The following DNAH1 variants were observed in gnomAD, a reference collection of about 807,000 sequenced individuals.
The protein encoded by DNAH1 is axonemal beta dynein heavy chain 1.
In DNAH1, 327 loss-of-function variants were observed where a neutral mutation model predicts 484.3. The observed-to-expected ratio is 0.68, with a 90% CI of 0.62 to 0.74. The LOEUF is 0.74. DNAH1 is among the 30% of genes least tolerant of loss of function. The pLI, the probability that DNAH1 is intolerant of heterozygous loss-of-function variation, is 0.00. For synonymous variants in DNAH1, 2,192 were observed against 2,191.9 expected (o/e 1.00, Z 0.00); for missense variants, 5,052 against 5,546.8 (o/e 0.91, Z 2.83).
chr3:52,387,010 C>T (rs958553584), intron 56 of DNAH1, among the ~76,000 whole-genome samples, 157 bp downstream of exon 56: 18 of 152,226 alleles, frequency 1.2e-4, no homozygotes, highest in Admixed American at 5.2e-4. Flanking sequence ...ACCAGCACCA[C>T]ACAAGGGCCC....
At position 52,383,546 on chromosome 3, in the gene DNAH1, C is replaced by T. The variant is rs776070147; in HGVS notation, c.8102C>T (p.Ala2701Val). The change falls in exon 51 of 78, where the codon GCT becomes GTT. Residue 2701 changes from alanine to valine, a missense_variant. By Grantham distance (64) the Ala-to-Val change is moderately conservative. Coordinates refer to ENST00000420323, the MANE Select transcript of DNAH1 (RefSeq NM_015512.5). ...CCCACCAAGGCCAACCTCATGGCTG[C>T]TTACACAGGGCGTGTGCGCAGCAAC... ...LQPTKANLMA[A>V]YTGRVRSNIH... 4.3e-6 allele frequency: 7 copies of T among 1,611,790 alleles called. No homozygotes were observed. Among genetic ancestry groups the T allele is most frequent in the Admixed American group, 1.7e-5 (1 of 59,688 alleles).
intron 8 of DNAH1, among the ~76,000 whole-genome samples, 192 bp from the exon 9 acceptor site, chr3:52,344,298 A>G (rs1366137853): frequency 6.6e-6 from 1 of 152,150 alleles, no homozygotes; most frequent in Non-Finnish European, 1.5e-5. Context: ...AAATGGGGAC[A>G]AGGGGGAAAG....
chr3:52,360,573 C>G, intron 28 of DNAH1, 149 bp downstream of exon 28: 1 of 639,338 alleles, frequency 1.6e-6, no homozygotes, highest in South Asian at 2.5e-5. Context: ...GCTCAGACCT[C>G]AGTTCTGCCC....
chr3:52,397,694 T>G lies in DNAH1; in HGVS notation c.11788-13T>G. 1 of 1,581,230 alleles carries G rather than the reference T, an allele frequency of 6.3e-7. No individual in the cohort carries two copies. Among genetic ancestry groups the G allele is most frequent in the Non-Finnish European group, 8.6e-7 (1 of 1,164,110 alleles). On this transcript the variant is annotated splice_polypyrimidine_tract_variant and intron_variant, in intron 73 of 77. Transcript: ENST00000420323. ...CAAGCCAGGGGCTTCCATGTTGGCC[T>G]CCTCTCTCCTAGGGCTACCTCTCCT...
chr3:52,370,644 C>T lies in DNAH1; in HGVS notation c.6417+9C>T, dbSNP rs1239356559. The T allele has an allele frequency of 9.3e-6, 15 of 1,606,794 alleles. No individual in the cohort carries two copies. Among genetic ancestry groups the T allele is most frequent in the Middle Eastern group, 1.6e-4 (1 of 6,070 alleles). On this transcript the variant is annotated intron_variant, in intron 40 of 77. Coordinates refer to ENST00000420323, the MANE Select transcript of DNAH1 (RefSeq NM_015512.5). ...AGATGGAGAACGAACAGGTGAGAGC[C>T]GGCGGCCCCCAGGGACCAGGAGCCT...
chr3:52,344,311 G>T (rs1702058738), intron 8 of DNAH1, among the ~76,000 whole-genome samples, 179 bp from the exon 9 acceptor site: 1 of 152,182 alleles, frequency 6.6e-6, no homozygotes, highest in South Asian at 2.1e-4. Flanking sequence ...GGGGAAAGAA[G>T]CAGAGGAGGT....
Position 52,382,386 on chromosome 3 carries a change from T to C in DNAH1, c.7872T>C (p.Asp2624=), listed in dbSNP as rs772706917. 11 of 1,613,844 alleles carry C rather than the reference T, an allele frequency of 6.8e-6. No homozygotes were observed. The highest frequency in any genetic ancestry group is 8.5e-6 in the Non-Finnish European group (10 of 1,179,886). The change falls in exon 50 of 78, where the codon GAT becomes GAC. Residue 2624 remains aspartate, a synonymous_variant. Coordinates refer to ENST00000420323, the MANE Select transcript of DNAH1 (RefSeq NM_015512.5). ...KNYGMSEWRD[D]VKKVLLKAGL... Reference sequence around the variant, plus strand: ...ACGGCATGTCCGAGTGGCGAGATGATGTGAAGAAGGTCCTGCTCAAGGCGG... The same window carrying C: ...ACGGCATGTCCGAGTGGCGAGATGACGTGAAGAAGGTCCTGCTCAAGGCGG...
intron 6 of DNAH1, 75 bp downstream of exon 6, chr3:52,328,089 C>T (rs1187658629): frequency 6.4e-7 from 1 of 1,568,620 alleles, no homozygotes; most frequent in African/African-American, 1.4e-5. Context: ...CTGGGCTCCC[C>T]TGGGACCTGG....
rs1401424329 is a variant in DNAH1 at position 52,364,768 on chromosome 3, G to A, written c.5331+44G>A. 1 of 1,606,282 alleles carries A rather than the reference G, an allele frequency of 6.2e-7. No homozygotes were observed. The highest frequency in any genetic ancestry group is 8.5e-7 in the Non-Finnish European group (1 of 1,175,098). ...GGCTCCAGGAGTGGAACTCTGGGAG[G>A]GCTCCTGGGCAGCTGGAGGGCAGCT... On this transcript the variant is annotated intron_variant, in intron 33 of 77. Transcript: ENST00000420323. This position sits in a 1 kb window ranked among gnomAD's most constrained non-coding sequence, Gnocchi z 4.2.
Position 52,383,929 on chromosome 3 carries a change from C to T in DNAH1, c.8220C>T (p.Asp2740=). The T allele has an allele frequency of 1.2e-6, 2 of 1,613,522 alleles. No homozygotes were observed. Among genetic ancestry groups the T allele is most frequent in the Non-Finnish European group, 1.7e-6 (2 of 1,179,644 alleles). ...CCCTGGTCAACTGCTGTACCATCGA[C>T]TGGTTTAACGAGTGGCCGGCAGAAG... is the stretch of plus-strand genomic sequence containing the variant. ...FPSLVNCCTI[D]WFNEWPAEAL... is the part of the protein sequence containing the mutation. The change falls in exon 52 of 78, where the codon GAC becomes GAT. Residue 2740 remains aspartate, a synonymous_variant. Coordinates refer to ENST00000420323, the MANE Select transcript of DNAH1 (RefSeq NM_015512.5).
At chr3:52,382,500 C>A (rs199931003) in intron 50 of DNAH1, 45 bp downstream of exon 50, 8 of 1,607,882 alleles carry the variant, frequency 5.0e-6, no homozygotes, top group Non-Finnish European at 6.8e-6. Context: ...GGGCTGGACA[C>A]AACCCCATCT....
chr3:52,372,164 A>G (rs923169409), intron 42 of DNAH1, 63 bp from the exon 43 acceptor site: 14 of 1,610,150 alleles, frequency 8.7e-6, no homozygotes, highest in Non-Finnish European at 1.1e-5. Context: ...ACATGGATGC[A>G]GGGGCAGCTC....
chr3:52,361,724 G>A lies in DNAH1; in HGVS notation c.4938G>A (p.Val1646=), dbSNP rs1324524430. 6.2e-7 allele frequency: 1 copy of A among 1,611,096 alleles called. No homozygotes were observed. The highest frequency in any genetic ancestry group is 1.3e-5 in the African/African-American group (1 of 74,902). Residue 1646 remains valine (V), a synonymous_variant, in exon 30 of 78, where the codon GTG becomes GTA. Transcript: ENST00000420323. The surrounding 1 kb of genome is among the most constrained non-coding windows in gnomAD (Gnocchi z 5.6). ...TCGACATCGAGGTGCTGTCTGTGGT[G>A]GCGCAGCAGATCACCACCATCCAGA... is the stretch of plus-strand genomic sequence containing the variant. ...NRIDIEVLSV[V]AQQITTIQKA... is the part of the protein sequence containing the mutation.
Position 52,384,905 on chromosome 3 carries a change from C to T in DNAH1, c.8442C>T (p.Phe2814=). ...GCTACTTGGAGCTGCTTCATATTTT[C>T]TCCATCCTCATCGGGCAGAAGAAAC... ...PKSYLELLHI[F]SILIGQKKLE... The change falls in exon 53 of 78, where the codon TTC becomes TTT. Residue 2814 remains phenylalanine, a synonymous_variant. Coordinates refer to ENST00000420323, the MANE Select transcript of DNAH1 (RefSeq NM_015512.5). The T allele has an allele frequency of 6.2e-7, 1 of 1,613,672 alleles. No homozygotes were observed. Among genetic ancestry groups the T allele is most frequent in the Non-Finnish European group, 8.5e-7 (1 of 1,179,768 alleles).
At position 52,352,099 on chromosome 3, in the gene DNAH1, T is replaced by C; in HGVS notation, c.2867T>C (p.Leu956Pro). 1 of 1,576,224 alleles carries C rather than the reference T, an allele frequency of 6.3e-7. No homozygotes were observed. Residue 956 changes from leucine (L) to proline (P), a missense_variant, in exon 17 of 78, where the codon CTG (leucine) becomes CCG (proline). Physicochemically the swap from Leu to Pro is moderately conservative, Grantham distance 98. Around this residue, in one of 4 missense-constraint regions of DNAH1, gnomAD observed 1,263 missense variants for 1,218.8 expected, o/e 1.04. Coordinates refer to ENST00000420323, the MANE Select transcript of DNAH1 (RefSeq NM_015512.5). ...AACTTCCAAGAGAAGCTGGAAGGGC[T>C]GCAGGTGGGGCACAGCTGCAGGCTT... ...QNNFQEKLEG[L>P]QLVVAGFSIH...
rs764244843 is a variant in DNAH1 at position 52,326,277 on chromosome 3, C to G, written c.544C>G (p.Leu182Val). 1.2e-6 allele frequency: 2 copies of G among 1,611,360 alleles called. No individual in the cohort carries two copies. The highest frequency in any genetic ancestry group is 1.7e-6 in the Non-Finnish European group (2 of 1,179,784). Residue 182 changes from leucine to valine, a missense_variant, in exon 4 of 78, where the codon CTG becomes GTG. Leu to Val is a conservative substitution (Grantham distance 32, BLOSUM62 1). Around this residue, in one of 4 missense-constraint regions of DNAH1, gnomAD observed 1,263 missense variants for 1,218.8 expected, o/e 1.04. Coordinates refer to ENST00000420323, the MANE Select transcript of DNAH1 (RefSeq NM_015512.5). ...EPKMQVPFQVLPGQHPRKIEI... is the reference protein window; with the variant it reads ...EPKMQVPFQVVPGQHPRKIEI... The stretch of plus-strand genomic sequence containing the variant: ...CAAGATGCAGGTGCCTTTCCAGGTG[C>G]TGCCAGGCCAGCATCCTCGCAAGAT...
chr3:52,373,962 C>T (rs1703469513), intron 44 of DNAH1: 4 of 1,211,104 alleles, frequency 3.3e-6, no homozygotes, highest in South Asian at 1.3e-5. Flanking sequence ...GCTTCATCTA[C>T]ACTTATTTAT....
At chr3:52,397,151 C>T (rs922313284) in intron 73 of DNAH1, 107 bp downstream of exon 73, 2 of 1,041,936 alleles carry the variant, frequency 1.9e-6, no homozygotes, top group Non-Finnish European at 1.4e-6. Context: ...CCCCACCCTC[C>T]ATCAGCTGTC....
intron 77 of DNAH1, 129 bp from the exon 78 acceptor site, chr3:52,400,196 T>C: frequency 1.6e-6 from 2 of 1,279,080 alleles, no homozygotes; most frequent in Non-Finnish European, 1.1e-6. Flanking sequence ...CCTCATCAGG[T>C]AGGCTTCCTC....
Sources: allele counts gnomAD v4.1 joint callset (sites outside exome capture counted in the v4.1 genomes callset), GRCh38; gene constraint gnomAD v4.1.1; regional missense constraint gnomAD v4.1.1; non-coding constraint Gnocchi (gnomAD v3.1); transcripts MANE v1.5; gene names NCBI Gene and HGNC (gene_info 2026-07-23, HGNC 2026-07-21).